Variants in TMEM150C observed in about 807,000 individuals in gnomAD.
TMEM150C encodes tentonin 3.
A neutral mutation model predicts 29.9 loss-of-function variants in TMEM150C; 10 were observed. The observed-to-expected ratio is 0.33, with a 90% CI of 0.21 to 0.57. The LOEUF is 0.57. TMEM150C is among the 20% of genes least tolerant of loss of function. The pLI is 0.88. For missense variants in TMEM150C, 251 were observed against 303.6 expected (o/e 0.83, Z 1.29); for synonymous variants, 101 against 112.5 (o/e 0.90, Z 0.64).
chr4:82,485,597 T>C lies in TMEM150C; in HGVS notation c.664A>G (p.Ile222Val). The C allele has an allele frequency of 6.2e-7, 1 of 1,611,162 alleles. No homozygotes were observed. Among genetic ancestry groups the C allele is most frequent in the Non-Finnish European group, 8.5e-7 (1 of 1,178,790 alleles). ...TTCTCCTGGTACTCAGAGCAAACAA[T>C]CTCATAGCGGTAATGCCGGAACTCC... Reference protein sequence around the residue: ...AVEFRHYRYEIVCSEYQENFL... With the variant: ...AVEFRHYRYEVVCSEYQENFL... Residue 222 changes from isoleucine to valine, a missense_variant, in exon 8 of 8, where the codon ATT becomes GTT. By Grantham distance (29) the Ile-to-Val change is conservative. Transcript: ENST00000449862.
At chr4:82,548,641 A>G (rs577618951) in intron 1 of TMEM150C, among the ~76,000 whole-genome samples, 5 of 152,208 alleles carry the variant, frequency 3.3e-5, no homozygotes, top group African/African-American at 1.2e-4. Flanking sequence ...ACTCCCATGC[A>G]ATTCATAGAT....
At chr4:82,561,400 T>G (rs1329172576) in intron 1 of TMEM150C, among the ~76,000 whole-genome samples, 1 of 152,208 alleles carries the variant, frequency 6.6e-6, no homozygotes, top group Non-Finnish European at 1.5e-5. Flanking sequence ...CCAGATCCCC[T>G]GCTTCCCGAG....
intron 1 of TMEM150C, among the ~76,000 whole-genome samples, chr4:82,517,511 G>C (rs932236686): frequency 6.6e-6 from 1 of 152,170 alleles, no homozygotes; most frequent in African/African-American, 2.4e-5. Context: ...GGCCCTGATA[G>C]AGCAAAAAGG....
rs1723093739 is a variant in TMEM150C at position 82,484,358 on chromosome 4, G to A, written c.*1153C>T. ...GCTGTGTCAATTTGGTTTTTAGGAA[G>A]GGTATTCTTTTAATTGGCTTCTACA... On this transcript the variant is annotated 3_prime_UTR_variant, in exon 8 of 8. Coordinates refer to ENST00000449862, the MANE Select transcript of TMEM150C (RefSeq NM_001080506.3). 2.0e-5 allele frequency: 3 copies of A among 151,828 alleles called. No homozygotes were observed. In the South Asian group the frequency reaches 6.2e-4, roughly 32 times the overall value. 9.4% of individuals were successfully genotyped at this position (151,828 alleles called of 1,614,324 possible).
chr4:82,530,676 A>C (rs1463901524), intron 1 of TMEM150C, among the ~76,000 whole-genome samples: 1 of 152,236 alleles, frequency 6.6e-6, no homozygotes, highest in Non-Finnish European at 1.5e-5. Flanking sequence ...AATGGCATAA[A>C]AGGTAGATGG....
intron 2 of TMEM150C, 30 bp downstream of exon 2, chr4:82,504,548 C>T (rs1329172268): frequency 6.3e-7 from 1 of 1,581,660 alleles, no homozygotes; most frequent in East Asian, 2.2e-5. Flanking sequence ...GCACCTGAAT[C>T]CTTAAATAAT....
chr4:82,513,865 A>G (rs184824405), intron 1 of TMEM150C, among the ~76,000 whole-genome samples: 40 of 152,386 alleles, frequency 2.6e-4, no homozygotes, highest in Non-Finnish European at 4.9e-4. Context: ...AAGTAGGCAG[A>G]TAGCCCAAGT....
chr4:82,556,263 C>A (rs1350100352), intron 1 of TMEM150C, among the ~76,000 whole-genome samples: 1 of 152,186 alleles, frequency 6.6e-6, no homozygotes, highest in Non-Finnish European at 1.5e-5. Flanking sequence ...CAGGCGTGAG[C>A]CAACGTGCCC....
rs144518558 is a variant in TMEM150C at position 82,488,954 on chromosome 4, G to A, written c.541+1107C>T. Reference sequence around the variant, plus strand: ...TTTATTTATTGTTAGAGACAGAGTCGATCTTAGCTCGCTGCAGCCTTAAAC... The same window carrying A: ...TTTATTTATTGTTAGAGACAGAGTCAATCTTAGCTCGCTGCAGCCTTAAAC... On this transcript the variant is annotated intron_variant, in intron 7 of 7. Coordinates refer to ENST00000449862, the MANE Select transcript of TMEM150C (RefSeq NM_001080506.3). Among the ~76,000 whole-genome samples, 831 of 151,684 alleles carry A rather than the reference G, an allele frequency of 5.5e-3. 21 individuals carry two copies. The highest frequency in any genetic ancestry group is 0.038 in the Admixed American group (580 of 15,202).
rs1723789591 is a variant in TMEM150C at position 82,503,117 on chromosome 4, C to T, written c.81-5G>A. The T allele has an allele frequency of 6.3e-7, 1 of 1,585,476 alleles. No homozygotes were observed. Among genetic ancestry groups the T allele is most frequent in the African/African-American group, 1.4e-5 (1 of 73,842 alleles). ...TCTTCCACAGCTATGAAGTATCTAT[C>T]AAAAAAGAATAAGTTTATAGAACAA... On this transcript the variant is annotated splice_region_variant and splice_polypyrimidine_tract_variant and intron_variant, in intron 2 of 7. Coordinates refer to ENST00000449862, the MANE Select transcript of TMEM150C (RefSeq NM_001080506.3).
chr4:82,529,929 G>A (rs1724781219), intron 1 of TMEM150C, among the ~76,000 whole-genome samples: 1 of 152,068 alleles, frequency 6.6e-6, no homozygotes, highest in Non-Finnish European at 1.5e-5. Flanking sequence ...TGGTTAATAG[G>A]AAAGAAGTAG....
chr4:82,507,723 CTCTCTTTTTTTTTTTTTTTTTTTT>C lies in TMEM150C; in HGVS notation c.-10-3080_-10-3057del, dbSNP rs750464179. ...TATATTAAATTAACTCTCTCTCTCT[CTCTCTTTTTTTTTTTTTTTTTTTT>C]TTTTTTTTTTTTTTTTTTTGAGACA... On this transcript the variant is annotated intron_variant, in intron 1 of 7. Coordinates refer to ENST00000449862, the MANE Select transcript of TMEM150C (RefSeq NM_001080506.3). Among the ~76,000 whole-genome samples, 7 of 86,050 alleles carry C rather than the reference CTCTCTTTTTTTTTTTTTTTTTTTT, an allele frequency of 8.1e-5. 1 individual carries two copies. Among genetic ancestry groups the C allele is most frequent in the South Asian group, 8.4e-4 (2 of 2,374 alleles). The allele number at this position is 86,050 out of a possible 152,430, so 56.5% of individuals were successfully genotyped here.
intron 1 of TMEM150C, among the ~76,000 whole-genome samples, chr4:82,532,559 G>A (rs867595762): frequency 5.9e-4 from 90 of 152,110 alleles, no homozygotes; most frequent in African/African-American, 1.9e-3. Flanking sequence ...GCAAAGTAGC[G>A]TTATAAAGTA....
chr4:82,495,959 T>G (rs1723543541), intron 6 of TMEM150C, 109 bp downstream of exon 6: 1 of 1,408,566 alleles, frequency 7.1e-7, no homozygotes, highest in African/African-American at 1.4e-5. Context: ...AAAAGGTTTG[T>G]GCAGAATTAT....
intron 5 of TMEM150C, among the ~76,000 whole-genome samples, chr4:82,496,798 T>C (rs1376987959): frequency 1.3e-5 from 2 of 152,218 alleles, no homozygotes; most frequent in African/African-American, 4.8e-5. Flanking sequence ...TACAAGTTCC[T>C]TTATTACTGG....
intron 1 of TMEM150C, among the ~76,000 whole-genome samples, chr4:82,553,790 C>T (rs897551701): frequency 2.6e-5 from 4 of 152,168 alleles, no homozygotes; most frequent in Admixed American, 1.3e-4. Flanking sequence ...TAAAAGATCA[C>T]GATATGCCAC....
intron 6 of TMEM150C, among the ~76,000 whole-genome samples, chr4:82,490,599 GGTTT>G (rs982403199): frequency 3.2e-4 from 48 of 151,908 alleles, no homozygotes; most frequent in East Asian, 9.7e-4. Context: ...TTTTTGTTTT[GGTTT>G]GTTTGTTTGT....
At chr4:82,499,214 C>A (rs779372880) in intron 5 of TMEM150C, among the ~76,000 whole-genome samples, 1 of 152,136 alleles carries the variant, frequency 6.6e-6, no homozygotes, top group African/African-American at 2.4e-5. Flanking sequence ...AAAAGACTTA[C>A]GGGCCATTTC....
chr4:82,532,575 A>AAT (rs1161064593), intron 1 of TMEM150C, among the ~76,000 whole-genome samples: 1 of 152,084 alleles, frequency 6.6e-6, no homozygotes, highest in Non-Finnish European at 1.5e-5. Context: ...AAGTATCTAT[A>AAT]ATATATATAT....
Sources: allele counts gnomAD v4.1 joint callset (sites outside exome capture counted in the v4.1 genomes callset), GRCh38; gene constraint gnomAD v4.1.1; transcripts MANE v1.5; gene names NCBI Gene and HGNC (gene_info 2026-07-23, HGNC 2026-07-21).